SACM1L: variants seen among roughly 807,000 people sequenced by gnomAD.
The protein encoded by SACM1L is SAC1 like phosphatidylinositide phosphatase.
Under a neutral mutation model 89.5 loss-of-function variants are expected in SACM1L, and 32 were observed. The observed-to-expected ratio is 0.36, with a 90% CI of 0.27 to 0.48. SACM1L has a LOEUF of 0.48. SACM1L is among the 20% of genes least tolerant of loss of function. The pLI is 0.99. For missense variants in SACM1L, 543 were observed against 708.5 expected (o/e 0.77, Z 2.65); for synonymous variants, 213 against 232.8 (o/e 0.92, Z 0.77).
chr3:45,703,473 G>A lies in SACM1L; in HGVS notation c.68G>A (p.Cys23Tyr). Residue 23 changes from cysteine to tyrosine, a missense_variant, in exon 2 of 20, where the codon TGT (cysteine) becomes TAT (tyrosine). Physicochemically the swap from Cys to Tyr is radical, Grantham distance 194. This residue lies in a region of SACM1L where 173 missense variants were observed against 180.9 expected (regional missense o/e 0.96). Transcript: ENST00000389061. ...ITPEKFYVEA[C>Y]DDGADDVLTI... is the part of the protein sequence containing the mutation. ...CCTGAAAAATTTTATGTGGAAGCTT[G>A]TGATGATGGAGCAGATGACGTACTT... The A allele has an allele frequency of 6.2e-7, 1 of 1,613,212 alleles. No homozygotes were observed. The highest frequency in any genetic ancestry group is 1.3e-5 in the African/African-American group (1 of 74,994).
chr3:45,738,430 GAT>G (rs1319253559), intron 16 of SACM1L, 146 bp from the exon 17 acceptor site: 1 of 583,432 alleles, frequency 1.7e-6, no homozygotes, highest in Non-Finnish European at 3.0e-6. Flanking sequence ...ACCTACAAGT[GAT>G]TTCTTTTGTG....
At position 45,738,211 on chromosome 3, in the gene SACM1L, G is replaced by A. The variant is rs528764773; in HGVS notation, c.1382+367G>A. On this transcript the variant is annotated intron_variant, in intron 16 of 19. Transcript: ENST00000389061. The stretch of plus-strand genomic sequence containing the variant: ...ATGAGGACATTAATGAGAACATTTT[G>A]AATGTATTATGCATGCAGTGGCTCT... Among the ~76,000 whole-genome samples, 3 of 152,284 alleles carry A rather than the reference G, an allele frequency of 2.0e-5. No individual in the cohort carries two copies. The East Asian group carries it at 5.8e-4, about 29-fold the overall frequency.
chr3:45,743,514 T>C lies in SACM1L; in HGVS notation c.1628-19T>C, dbSNP rs1323834504. On this transcript the variant is annotated intron_variant, in intron 19 of 19. Transcript: ENST00000389061. ...TCAACAAACGACTTATTTAGCTTTT[T>C]GTTTCTTAATATCAACAGGTGACAC... is the stretch of plus-strand genomic sequence containing the variant. 1.9e-6 allele frequency: 3 copies of C among 1,593,964 alleles called. No homozygotes were observed. The highest frequency in any genetic ancestry group is 2.6e-6 in the Non-Finnish European group (3 of 1,172,918).
intron 6 of SACM1L, chr3:45,713,611 A>G (rs766410299): frequency 4.2e-5 from 7 of 165,376 alleles, no homozygotes; most frequent in Non-Finnish European, 7.7e-5. Context: ...GTCTACACAT[A>G]TGAGGTATAA....
intron 3 of SACM1L, among the ~76,000 whole-genome samples, chr3:45,706,449 A>G (rs750882785): frequency 3.3e-5 from 5 of 152,240 alleles, no homozygotes; most frequent in African/African-American, 4.8e-5. Flanking sequence ...TGATTAGCAG[A>G]GGTCTGTATC....
intron 5 of SACM1L, among the ~76,000 whole-genome samples, chr3:45,712,410 T>C (rs1698550653): frequency 1.3e-5 from 2 of 152,196 alleles, no homozygotes; most frequent in African/African-American, 2.4e-5. Flanking sequence ...CACGTCTGAC[T>C]AATTTTTGCA....
At chr3:45,742,414 G>A (rs1396550457) in intron 19 of SACM1L, among the ~76,000 whole-genome samples, 1 of 152,146 alleles carries the variant, frequency 6.6e-6, no homozygotes, top group African/African-American at 2.4e-5. Flanking sequence ...TGATCTCTGA[G>A]GGCTTGTTAG....
intron 11 of SACM1L, among the ~76,000 whole-genome samples, chr3:45,725,961 TG>T (rs1159275308): frequency 6.6e-6 from 1 of 152,150 alleles, no homozygotes; most frequent in African/African-American, 2.4e-5. Flanking sequence ...GATGCTCGTT[TG>T]TTTTTTTTCC....
intron 1 of SACM1L, among the ~76,000 whole-genome samples, chr3:45,691,105 C>G (rs114443644): frequency 0.018 from 2,769 of 152,092 alleles, 71 homozygotes; most frequent in African/African-American, 0.064. Flanking sequence ...GAAATTTGTC[C>G]CTGAAGTAGT....
At chr3:45,711,274 C>A (rs574356638) in intron 5 of SACM1L, among the ~76,000 whole-genome samples, 2 of 152,024 alleles carry the variant, frequency 1.3e-5, no homozygotes, top group African/African-American at 4.8e-5. Context: ...GTGGCAGAGG[C>A]TAAGCTGCAG....
chr3:45,716,383 GATCA>G (rs1464690762), intron 7 of SACM1L, among the ~76,000 whole-genome samples: 4 of 152,132 alleles, frequency 2.6e-5, no homozygotes, highest in Non-Finnish European at 4.4e-5. Flanking sequence ...GAGTCAGGAG[GATCA>G]CTTGACCCCA....
intron 1 of SACM1L, among the ~76,000 whole-genome samples, chr3:45,694,537 G>A (rs1698077707): frequency 6.6e-6 from 1 of 152,102 alleles, no homozygotes; most frequent in Non-Finnish European, 1.5e-5. Flanking sequence ...TAGTTGGCTG[G>A]GAGTTCAGGC....
chr3:45,731,895 A>G (rs1184723424), intron 12 of SACM1L, among the ~76,000 whole-genome samples, 158 bp from the exon 13 acceptor site: 1 of 152,192 alleles, frequency 6.6e-6, no homozygotes, highest in Non-Finnish European at 1.5e-5. Context: ...TGCATGTAGT[A>G]TATGTATAGT....
At chr3:45,696,496 T>C (rs1698131180) in intron 1 of SACM1L, among the ~76,000 whole-genome samples, 1 of 152,184 alleles carries the variant, frequency 6.6e-6, no homozygotes, top group South Asian at 2.1e-4. Context: ...AGTGGAATTG[T>C]TGGGTCATAT....
In SACM1L at chr3:45,743,824, C is replaced by T; in HGVS notation, c.*155C>T. On this transcript the variant is annotated 3_prime_UTR_variant, in exon 20 of 20. Transcript: ENST00000389061. Reference sequence around the variant, plus strand: ...CATGCAGGATGATGACAGAATTGATCTGATGTTACTGCCTTGATGGTCTCT... The same window carrying T: ...CATGCAGGATGATGACAGAATTGATTTGATGTTACTGCCTTGATGGTCTCT... 1 of 621,194 alleles carries T rather than the reference C, an allele frequency of 1.6e-6. No homozygotes were observed. The highest frequency in any genetic ancestry group is 3.0e-5 in the East Asian group (1 of 33,852). 38.5% of individuals were successfully genotyped at this position (621,194 alleles called of 1,614,324 possible).
At chr3:45,722,723 G>A in intron 9 of SACM1L, 146 bp from the exon 10 acceptor site, 1 of 554,896 alleles carries the variant, frequency 1.8e-6, no homozygotes, top group Non-Finnish European at 3.2e-6. Flanking sequence ...TTTAGGAGCA[G>A]ATACACGTGG....
chr3:45,742,943 C>T (rs1699347040), intron 19 of SACM1L: 1 of 152,268 alleles, frequency 6.6e-6, no homozygotes, highest in Admixed American at 6.5e-5. Flanking sequence ...GCACTCTAGC[C>T]TGGGCAACAC....
At chr3:45,722,720 G>A (rs1698815512) in intron 9 of SACM1L, 149 bp from the exon 10 acceptor site, 1 of 548,778 alleles carries the variant, frequency 1.8e-6, no homozygotes, top group Non-Finnish European at 3.2e-6. Flanking sequence ...AACTTTAGGA[G>A]CAGATACACG....
intron 14 of SACM1L, chr3:45,737,324 C>G (rs948250263): frequency 2.3e-5 from 11 of 468,180 alleles, no homozygotes; most frequent in Non-Finnish European, 4.1e-5. Flanking sequence ...CTGACCCTCT[C>G]CCTGAGTATA....
Sources: allele counts gnomAD v4.1 joint callset (sites outside exome capture counted in the v4.1 genomes callset), GRCh38; gene constraint gnomAD v4.1.1; regional missense constraint gnomAD v4.1.1; transcripts MANE v1.5; gene names NCBI Gene and HGNC (gene_info 2026-07-23, HGNC 2026-07-21).